The following SLC27A1 variants were observed in gnomAD, a reference collection of about 807,000 sequenced individuals.
The protein encoded by SLC27A1 is solute carrier family 27 member 1.
In SLC27A1, 61 loss-of-function variants were observed where a neutral mutation model predicts 62.2. The observed-to-expected ratio is 0.98, with a 90% confidence interval of 0.80 to 1.21. The LOEUF is 1.21. Ranked by LOEUF, SLC27A1 falls within the 50% of genes most tolerant of loss-of-function variation. The pLI, the probability that SLC27A1 is intolerant of heterozygous loss-of-function variation, is 0.00. For synonymous variants in SLC27A1, 435 were observed against 408.6 expected (o/e 1.06, Z -0.78); for missense variants, 903 against 932.1 (o/e 0.97, Z 0.41).
chr19:17,487,029 G>T lies in SLC27A1; in HGVS notation c.562+72G>T, dbSNP rs760160377. The T allele has an allele frequency of 3.9e-6, 6 of 1,538,980 alleles. No homozygotes were observed. The South Asian group carries it at 6.2e-5, about 16-fold the overall frequency. Reference sequence around the variant, plus strand: ...CCCTGGGCGGGCGGGGAGATGCTGCGCCCCAGGCCTCGGAAGGCGGCCGCC... The same window carrying T: ...CCCTGGGCGGGCGGGGAGATGCTGCTCCCCAGGCCTCGGAAGGCGGCCGCC... On this transcript the variant is annotated intron_variant, in intron 2 of 11. Transcript: ENST00000252595.
intron 7 of SLC27A1, chr19:17,499,062 G>C (rs1015247008): frequency 6.3e-6 from 1 of 159,734 alleles, no homozygotes; most frequent in African/African-American, 2.4e-5. Flanking sequence ...AAGCCTGACT[G>C]ATGTCAGGCC....
At position 17,479,237 on chromosome 19, in the gene SLC27A1, C is replaced by CT. The variant is rs1252096124; in HGVS notation, c.168-7325dup. ...CCTGGCCAACAAAATGAGATCCCTTCTCTACAAAAAAATAAAACAAAACAA... is the reference window on the plus strand; with the variant it reads ...CCTGGCCAACAAAATGAGATCCCTTCTTCTACAAAAAAATAAAACAAAACAA... On this transcript the variant is annotated intron_variant, in intron 1 of 11. Transcript: ENST00000252595. Among the ~76,000 whole-genome samples, 9 of 152,316 alleles carry CT rather than the reference C, an allele frequency of 5.9e-5. No homozygotes were observed. In the East Asian group the frequency reaches 1.7e-3, roughly 29 times the overall value.
chr19:17,488,084 C>T (rs896292888), intron 4 of SLC27A1, among the ~76,000 whole-genome samples: 4 of 152,180 alleles, frequency 2.6e-5, no homozygotes, highest in South Asian at 2.1e-4. Flanking sequence ...TCGGGCTAGG[C>T]GTGGTGGCTT....
At chr19:17,484,770 G>A (rs936556437) in intron 1 of SLC27A1, among the ~76,000 whole-genome samples, 1 of 152,214 alleles carries the variant, frequency 6.6e-6, no homozygotes, top group Non-Finnish European at 1.5e-5. Context: ...GAGGATGAAT[G>A]AATATAGGTG....
Position 17,500,882 on chromosome 19 carries a change from C to T in SLC27A1, c.1636+6C>T. 6.2e-7 allele frequency: 1 copy of T among 1,603,112 alleles called. No individual in the cohort carries two copies. The highest frequency in any genetic ancestry group is 1.3e-5 in the African/African-American group (1 of 74,580). On this transcript the variant is annotated splice_donor_region_variant and intron_variant, in intron 10 of 11. Transcript: ENST00000252595. Reference sequence around the variant, plus strand: ...CTATGGGGTGGCTGTTCCAGGCAAGCTGGGGTTGCAGGGGGTGGTCCTGAG... The same window carrying T: ...CTATGGGGTGGCTGTTCCAGGCAAGTTGGGGTTGCAGGGGGTGGTCCTGAG...
intron 7 of SLC27A1, chr19:17,497,739 A>G (rs1054055911): frequency 2.2e-6 from 1 of 460,594 alleles, no homozygotes; most frequent in Non-Finnish European, 3.9e-6. Flanking sequence ...CAAGTGCCTC[A>G]GCCTTTCTGA....
chr19:17,477,251 T>TTTTTTTTTTTTTTTTTTTTTTTTTTTC (rs2075133278), intron 1 of SLC27A1, among the ~76,000 whole-genome samples: 1 of 133,910 alleles, frequency 7.5e-6, no homozygotes, highest in Non-Finnish European at 1.6e-5. Flanking sequence ...TTTTTTTTTT[T>TTTTTTTTTTTTTTTTTTTTTTTTTTTC]TTTTTTTTTT....
intron 1 of SLC27A1, among the ~76,000 whole-genome samples, chr19:17,472,123 G>A (rs886824568): frequency 6.6e-6 from 1 of 152,166 alleles, no homozygotes; most frequent in Admixed American, 6.5e-5. Flanking sequence ...GGCCGGGAGC[G>A]GTGGCTCACG....
chr19:17,487,547 A>G lies in SLC27A1; in HGVS notation c.794+18A>G. On this transcript the variant is annotated intron_variant, in intron 4 of 11. Transcript: ENST00000252595. ...CACAGCAGGTGAGGGGCCCACAGGC[A>G]TAATGCCCTCAGCCGCTGAGAGTGA... is the stretch of plus-strand genomic sequence containing the variant. 1 of 1,609,574 alleles carries G rather than the reference A, an allele frequency of 6.2e-7. No homozygotes were observed. The highest frequency in any genetic ancestry group is 8.5e-7 in the Non-Finnish European group (1 of 1,179,212).
chr19:17,475,598 G>A (rs1247050318), intron 1 of SLC27A1, among the ~76,000 whole-genome samples: 2 of 152,174 alleles, frequency 1.3e-5, no homozygotes, highest in Non-Finnish European at 2.9e-5. Context: ...ACAGAGAGGG[G>A]AGGTTATTTG....
intron 1 of SLC27A1, among the ~76,000 whole-genome samples, chr19:17,473,864 AAAAAC>A (rs952296069): frequency 3.3e-5 from 5 of 152,224 alleles, no homozygotes; most frequent in African/African-American, 1.2e-4. Context: ...CTCCATCTCA[AAAAAC>A]AAAACAAAAC....
intron 7 of SLC27A1, 40 bp from the exon 8 acceptor site, chr19:17,500,238 A>AT (rs760718908): frequency 8.9e-5 from 143 of 1,602,196 alleles, no homozygotes; most frequent in Non-Finnish European, 1.2e-4. Flanking sequence ...AGGACCCCGC[A>AT]TATCCCCGGC....
At chr19:17,494,508 G>A (rs12461161) in intron 6 of SLC27A1, among the ~76,000 whole-genome samples, 1 of 151,498 alleles carries the variant, frequency 6.6e-6, no homozygotes, top group Admixed American at 6.6e-5. Flanking sequence ...TGTATTTTTA[G>A]TAGAGATGGG....
Position 17,500,260 on chromosome 19 carries a change from C to T in SLC27A1, c.1207-18C>T. 6.2e-7 allele frequency: 1 copy of T among 1,611,838 alleles called. No homozygotes were observed. Among genetic ancestry groups the T allele is most frequent in the Non-Finnish European group, 8.5e-7 (1 of 1,178,850 alleles). On this transcript the variant is annotated intron_variant, in intron 7 of 11. Coordinates refer to ENST00000252595, the MANE Select transcript of SLC27A1 (RefSeq NM_198580.3). ...CGCATATCCCCGGCTCCTTCCAACT[C>T]AGTTCACCCCATTCCAGGTCGGCTC...
chr19:17,502,704 G>A (rs567406963), intron 11 of SLC27A1, among the ~76,000 whole-genome samples: 1 of 151,592 alleles, frequency 6.6e-6, no homozygotes, highest in South Asian at 2.1e-4. Context: ...TTGTTTGTTT[G>A]AGACAGGGTC....
chr19:17,472,294 C>T (rs1033116886), intron 1 of SLC27A1, among the ~76,000 whole-genome samples: 5 of 151,078 alleles, frequency 3.3e-5, no homozygotes, highest in African/African-American at 1.2e-4. Flanking sequence ...ACTCGGGAGG[C>T]TGAGGCAGGA....
intron 1 of SLC27A1, among the ~76,000 whole-genome samples, chr19:17,479,777 G>A (rs142245443): frequency 8.6e-5 from 13 of 152,026 alleles, no homozygotes; most frequent in South Asian, 2.1e-4. Context: ...TTGAGTAGCC[G>A]GGATTACAGG....
At chr19:17,504,355 C>A in intron 11 of SLC27A1, 100 bp from the exon 12 acceptor site, 1 of 1,401,480 alleles carries the variant, frequency 7.1e-7, no homozygotes, top group Non-Finnish European at 9.9e-7. Flanking sequence ...GCCCAGGGGA[C>A]AGCCTGTGGG....
chr19:17,470,415 C>A (rs1385643201), upstream of SLC27A1: 10 of 1,157,502 alleles, frequency 8.6e-6, 1 homozygote, highest in Admixed American at 3.1e-4. Context: ...CCCGGACTCG[C>A]GGGGGGCGCA....
Sources: gnomAD v4.1 joint callset for allele counts (sites outside exome capture counted in the v4.1 genomes callset) on GRCh38, gnomAD v4.1.1 for gene constraint, MANE v1.5 for transcripts, NCBI Gene and HGNC (gene_info 2026-07-23, HGNC 2026-07-21) for gene names.